Variants in PPP1R13B observed in about 807,000 individuals in gnomAD.
PPP1R13B encodes apoptosis-stimulating of p53 protein 1.
A neutral mutation model predicts 119.8 loss-of-function variants in PPP1R13B; 44 were observed. The ratio of observed to expected loss-of-function variants is 0.37; its 90% CI spans 0.29 to 0.47. The LOEUF is 0.47. Among genes scored for constraint, PPP1R13B ranks in the 20% least tolerant of loss-of-function variants. PPP1R13B has a pLI of 0.99. For synonymous variants in PPP1R13B, 542 were observed against 561.5 expected (o/e 0.97, Z 0.49); for missense variants, 1,227 against 1,413.5 (o/e 0.87, Z 2.12).
intron 2 of PPP1R13B, among the ~76,000 whole-genome samples, chr14:103,791,241 C>A (rs1442240935): frequency 6.6e-6 from 1 of 152,010 alleles, no homozygotes. Flanking sequence ...CCTGCCTCAG[C>A]CTACTGTAGC....
At chr14:103,848,176 G>C (rs2087118016), upstream of PPP1R13B, 3 of 930,030 alleles carry the variant, frequency 3.2e-6, no homozygotes, top group Non-Finnish European at 3.8e-6. Flanking sequence ...CGCGGCTCTC[G>C]GGGCCGCGCC....
intron 1 of PPP1R13B, among the ~76,000 whole-genome samples, chr14:103,821,200 C>T (rs993486165): frequency 1.3e-5 from 2 of 152,200 alleles, no homozygotes; most frequent in African/African-American, 4.8e-5. Context: ...CCCTGCATGA[C>T]ACATCCTTGT....
chr14:103,847,441 G>A lies in PPP1R13B; in HGVS notation c.-134C>T, dbSNP rs1021313906. On this transcript the variant is annotated 5_prime_UTR_variant, in exon 1 of 17. Transcript: ENST00000202556. ...TCTCCGGCCCGGCCGCGGCGAGGCG[G>A]CAGCTGCGGCGGGCTGCGGGGCTCT... is the stretch of plus-strand genomic sequence containing the variant. The A allele has an allele frequency of 1.3e-5, 13 of 1,008,464 alleles. No individual in the cohort carries two copies. In the African/African-American group the frequency reaches 2.1e-4, roughly 16 times the overall value. 62.5% of individuals were successfully genotyped at this position (1,008,464 alleles called of 1,614,324 possible). A position where few individuals can be genotyped will look rare whatever the true frequency, so the allele number is the denominator to read the frequency against.
At chr14:103,829,841 C>T (rs1000295591) in intron 1 of PPP1R13B, among the ~76,000 whole-genome samples, 13 of 152,266 alleles carry the variant, frequency 8.5e-5, no homozygotes, top group Admixed American at 7.9e-4. Flanking sequence ...TGCAGTGGCA[C>T]GATCTCAGCT....
chr14:103,736,106 C>T lies in PPP1R13B; in HGVS notation c.3128G>A (p.Gly1043Glu). The T allele has an allele frequency of 1.2e-6, 2 of 1,614,224 alleles. No individual in the cohort carries two copies. The highest frequency in any genetic ancestry group is 1.7e-6 in the Non-Finnish European group (2 of 1,180,040). ...GCGCCTCAGGATGGTGAGGGCGTCCCCTTCGTGGAAGGACAGCTCGTCACT... is the reference window on the plus strand; with the variant it reads ...GCGCCTCAGGATGGTGAGGGCGTCCTCTTCGTGGAAGGACAGCTCGTCACT... Reference protein sequence around the residue: ...QNSDELSFHEGDALTILRRKD... With the variant: ...QNSDELSFHEEDALTILRRKD... Residue 1043 changes from glycine (G) to glutamate (E), a missense_variant, in exon 16 of 17, where the codon GGG (glycine) becomes GAG (glutamate). Gly to Glu is a moderately conservative substitution (Grantham distance 98). Coordinates refer to ENST00000202556, the MANE Select transcript of PPP1R13B (RefSeq NM_015316.3).
chr14:103,743,396 GATTAGA>G (rs1305872777), intron 9 of PPP1R13B, among the ~76,000 whole-genome samples: 2 of 152,242 alleles, frequency 1.3e-5, no homozygotes, highest in Admixed American at 1.3e-4. Flanking sequence ...CTGTTGCAGT[GATTAGA>G]AAGCTGGTCA....
intron 1 of PPP1R13B, among the ~76,000 whole-genome samples, chr14:103,836,874 C>T (rs180717321): frequency 2.0e-5 from 3 of 151,986 alleles, no homozygotes; most frequent in African/African-American, 7.2e-5. Flanking sequence ...AACCACTATG[C>T]TCTACACTTT....
At chr14:103,751,918 G>A (rs751167916) in intron 7 of PPP1R13B, among the ~76,000 whole-genome samples, 2 of 152,080 alleles carry the variant, frequency 1.3e-5, no homozygotes, top group African/African-American at 2.4e-5. Context: ...TTACACAAAG[G>A]CCTTAAAATA....
chr14:103,797,653 G>C, intron 1 of PPP1R13B, 135 bp from the exon 2 acceptor site: 1 of 467,220 alleles, frequency 2.1e-6, no homozygotes, highest in East Asian at 3.9e-5. Context: ...AATAATAATA[G>C]ATAAGCTGAT....
intron 8 of PPP1R13B, 41 bp from the exon 9 acceptor site, chr14:103,746,594 T>C: frequency 6.7e-7 from 1 of 1,499,720 alleles, no homozygotes; most frequent in African/African-American, 1.4e-5. Context: ...TTCTCCTACA[T>C]TCAAAGAAGT....
In PPP1R13B at chr14:103,733,764, G is replaced by C. The variant is rs916998593; in HGVS notation, c.*1390C>G. 1 of 152,302 alleles carries C rather than the reference G, an allele frequency of 6.6e-6. No individual in the cohort carries two copies. The allele number at this position is 152,302 out of a possible 1,614,324, so 9.4% of individuals were successfully genotyped here. ...AGACTCACAGCCGCCGGGGTGAGAC[G>C]GGTTTATTGTGCACATTTACACAGC... is the stretch of plus-strand genomic sequence containing the variant. On this transcript the variant is annotated 3_prime_UTR_variant, in exon 17 of 17. Transcript: ENST00000202556.
intron 1 of PPP1R13B, among the ~76,000 whole-genome samples, chr14:103,834,746 A>G (rs1272096770): frequency 1.3e-5 from 2 of 151,644 alleles, no homozygotes; most frequent in African/African-American, 4.8e-5. Context: ...ACCCACCACC[A>G]TGCCTGGCTA....
At chr14:103,833,436 G>T (rs1277086463) in intron 1 of PPP1R13B, among the ~76,000 whole-genome samples, 1 of 152,160 alleles carries the variant, frequency 6.6e-6, no homozygotes, top group Non-Finnish European at 1.5e-5. Flanking sequence ...CTGAGGTCAG[G>T]AGTTTAAGAC....
intron 1 of PPP1R13B, among the ~76,000 whole-genome samples, chr14:103,816,919 G>C (rs2086295376): frequency 6.6e-6 from 1 of 152,070 alleles, no homozygotes; most frequent in Non-Finnish European, 1.5e-5. Context: ...ATTTACAAAG[G>C]AAAAGTAAAT....
intron 12 of PPP1R13B, among the ~76,000 whole-genome samples, chr14:103,739,614 A>G (rs1022850448): frequency 9.2e-5 from 14 of 152,144 alleles, no homozygotes; most frequent in Non-Finnish European, 2.1e-4. Context: ...GCTTGGCCAC[A>G]TTGTGCATTT....
At position 103,762,661 on chromosome 14, in the gene PPP1R13B, T is replaced by C. The variant is rs1050837921; in HGVS notation, c.355-4910A>G. On this transcript the variant is annotated intron_variant, in intron 4 of 16. Transcript: ENST00000202556. ...AATAGGCAGCCACTGCTGCAGCCTCTGGAAGCCTGAAAAACGGGAACCAAG... is the reference window on the plus strand; with the variant it reads ...AATAGGCAGCCACTGCTGCAGCCTCCGGAAGCCTGAAAAACGGGAACCAAG... The C allele has an allele frequency of 3.3e-4, 176 of 528,016 alleles. 2 individuals carry two copies. Among genetic ancestry groups the C allele is most frequent in the Non-Finnish European group, 8.6e-5 (25 of 292,298 alleles). 32.7% of individuals were successfully genotyped at this position (528,016 alleles called of 1,614,324 possible).
chr14:103,821,261 T>C (rs1383418096), intron 1 of PPP1R13B, among the ~76,000 whole-genome samples: 1 of 152,214 alleles, frequency 6.6e-6, no homozygotes, highest in Non-Finnish European at 1.5e-5. Context: ...CTGTAAAATG[T>C]CTAGCAACAG....
intron 4 of PPP1R13B, among the ~76,000 whole-genome samples, chr14:103,769,792 A>G (rs905027242): frequency 6.6e-6 from 1 of 152,206 alleles, no homozygotes; most frequent in Admixed American, 6.5e-5. Flanking sequence ...ATATCAAGAT[A>G]CCTTATGAAC....
At chr14:103,827,063 G>A (rs555301671) in intron 1 of PPP1R13B, among the ~76,000 whole-genome samples, 4 of 151,542 alleles carry the variant, frequency 2.6e-5, no homozygotes, top group African/African-American at 4.8e-5. Flanking sequence ...GGTGGCACAC[G>A]CCAGTAATCC....
Sources: gnomAD v4.1 joint callset for allele counts (sites outside exome capture counted in the v4.1 genomes callset) on GRCh38, gnomAD v4.1.1 for gene constraint, MANE v1.5 for transcripts, NCBI Gene and HGNC (gene_info 2026-07-23, HGNC 2026-07-21) for gene names.